Variants in RGS12 observed in about 807,000 individuals in gnomAD.
RGS12 encodes regulator of G protein signaling 12.
Under a neutral mutation model 120.1 loss-of-function variants are expected in RGS12, and 66 were observed. The ratio of observed to expected loss-of-function variants is 0.55; its 90% CI spans 0.45 to 0.67. The LOEUF (loss-of-function observed/expected upper bound fraction) is 0.67, where lower values mean the gene tolerates loss of function less well. Ranked by LOEUF, RGS12 falls within the 30% of genes least tolerant of loss-of-function variation. The pLI is 0.00. For synonymous variants in RGS12, 827 were observed against 804.7 expected, an observed-to-expected ratio of 1.03 and a Z score of -0.47; for missense variants, 1,859 against 1,957.7, an observed-to-expected ratio of 0.95 and a Z score of 0.95.
intron 15 of RGS12, 117 bp downstream of exon 15, chr4:3,428,286 C>G (rs561353666): frequency 1.0e-6 from 1 of 989,128 alleles, no homozygotes; most frequent in Non-Finnish European, 1.6e-6. Flanking sequence ...GTCTCCCCCA[C>G]GCTCCTTGGC....
chr4:3,332,654 TCTC>T (rs1039684959), intron 2 of RGS12, among the ~76,000 whole-genome samples: 1 of 152,180 alleles, frequency 6.6e-6, no homozygotes, highest in African/African-American at 2.4e-5. Flanking sequence ...TTGGTCCCTC[TCTC>T]CTCTTGGGCT....
rs202088201 is a variant in RGS12 at position 3,317,297 on chromosome 4, C to A, written c.1127C>A (p.Pro376Gln). The A allele has an allele frequency of 1.2e-6, 2 of 1,614,152 alleles. No individual in the cohort carries two copies. The highest frequency in any genetic ancestry group is 2.2e-5 in the South Asian group (2 of 91,082). Residue 376 changes from proline to glutamine, a missense_variant, in exon 2 of 18, where the codon CCG becomes CAG. Pro to Gln is a moderately conservative substitution (Grantham distance 76). Around this residue, in one of 3 missense-constraint regions of RGS12, gnomAD observed 967 missense variants for 994.2 expected, o/e 0.97. Coordinates refer to ENST00000336727, the MANE Select transcript of RGS12 (RefSeq NM_001394154.1). ...GACACCAATGGCTGTCTGGAATTCC[C>A]GGCGTCCTCCCTCCCCGTCCTGCAG... ...DPDTNGCLEF[P>Q]ASSLPVLQFI...
intron 3 of RGS12, chr4:3,370,451 T>G: frequency 1.1e-6 from 1 of 922,944 alleles, no homozygotes; most frequent in Non-Finnish European, 1.7e-6. Context: ...TGGAAATGGT[T>G]TTCATGTGTC....
upstream of RGS12, among the ~76,000 whole-genome samples, chr4:3,291,016 C>T (rs556487629): frequency 6.6e-6 from 1 of 152,340 alleles, no homozygotes. Flanking sequence ...TTGGGCCACC[C>T]CCCTGCTGGG....
chr4:3,391,654 C>G (rs28420539), intron 4 of RGS12, among the ~76,000 whole-genome samples: 1 of 152,160 alleles, frequency 6.6e-6, no homozygotes, highest in African/African-American at 2.4e-5. Flanking sequence ...TCATGCAACC[C>G]TAGGCGTGAG....
intron 3 of RGS12, among the ~76,000 whole-genome samples, chr4:3,375,182 C>G (rs903886976): frequency 2.6e-5 from 4 of 152,202 alleles, no homozygotes; most frequent in African/African-American, 9.7e-5. Context: ...CATTTTGAGA[C>G]AGTCGCTGAG....
intron 2 of RGS12, among the ~76,000 whole-genome samples, chr4:3,329,413 G>C (rs540599886): frequency 6.6e-6 from 1 of 152,314 alleles, no homozygotes; most frequent in South Asian, 2.1e-4. Context: ...CACAGAGCTT[G>C]AGAGAGTGTG....
At chr4:3,400,536 T>TA in intron 4 of RGS12, among the ~76,000 whole-genome samples, 1 of 151,956 alleles carries the variant, frequency 6.6e-6, no homozygotes, top group Non-Finnish European at 1.5e-5. Flanking sequence ...GAATTACTGA[T>TA]AAAAAGCACT....
At chr4:3,294,228 G>C (rs989732093) in intron 1 of RGS12, among the ~76,000 whole-genome samples, 1 of 152,282 alleles carries the variant, frequency 6.6e-6, no homozygotes, top group Non-Finnish European at 1.5e-5. Context: ...GGACGTGCAG[G>C]ATGGCCGGCA....
intron 2 of RGS12, among the ~76,000 whole-genome samples, chr4:3,330,773 C>G (rs775188709): frequency 1.2e-4 from 18 of 152,190 alleles, no homozygotes; most frequent in Non-Finnish European, 2.1e-4. Flanking sequence ...TGTGGAGGCT[C>G]CACCCTCCTC....
intron 1 of RGS12, among the ~76,000 whole-genome samples, chr4:3,306,681 G>T (rs1369659897): frequency 6.6e-6 from 1 of 152,214 alleles, no homozygotes; most frequent in African/African-American, 2.4e-5. Flanking sequence ...GGCAGTAACT[G>T]GTGCAGGGGA....
rs367586320 is a variant in RGS12, at chr4:3,422,377, C to T, written c.2840C>T (p.Ser947Leu). 5.6e-6 allele frequency: 9 copies of T among 1,609,648 alleles called. No homozygotes were observed. The highest frequency in any genetic ancestry group is 1.3e-5 in the African/African-American group (1 of 74,890). ...GCTGCTTGTCTCGCTGCTCCCCAGT[C>T]GGAGGCCTGCAGGACTTTGGCACCC... ...SVSSAGSLDL[S>L]EACRTLAPEK... Residue 947 changes from serine to leucine, a missense_variant and splice_region_variant, in exon 11 of 18, where the codon TCG becomes TTG. Coordinates refer to ENST00000336727, the MANE Select transcript of RGS12 (RefSeq NM_001394154.1).
intron 3 of RGS12, among the ~76,000 whole-genome samples, chr4:3,362,690 T>A (rs1437274914): frequency 7.2e-6 from 1 of 138,194 alleles, no homozygotes; most frequent in Non-Finnish European, 1.5e-5. Context: ...TGAGGGTGTG[T>A]GTGAGGGTGT....
At chr4:3,375,047 A>G (rs548896491) in intron 3 of RGS12, among the ~76,000 whole-genome samples, 1 of 152,142 alleles carries the variant, frequency 6.6e-6, no homozygotes, top group African/African-American at 2.4e-5. Context: ...GCAGTTCATA[A>G]CCCCGTAACC....
chr4:3,309,362 C>CCGAGGGGAACCG lies in RGS12; in HGVS notation c.-101-6708_-101-6707insCGAGGGGAACCG, dbSNP rs1724172891. 9.3e-5 allele frequency among the ~76,000 whole-genome samples: 13 copies of CCGAGGGGAACCG among 139,662 alleles called. 1 individual carries two copies. The highest frequency in any genetic ancestry group is 3.9e-4 in the African/African-American group (13 of 33,246). 91.6% of individuals were successfully genotyped at this position (139,662 alleles called of 152,430 possible). ...GGGATCCGGGAATGGCAGGTGTCCG[C>CCGAGGGGAACCG]TGAGGGGAACCGTGCAGGGGAGGAG... On this transcript the variant is annotated intron_variant, in intron 1 of 17. Coordinates refer to ENST00000336727, the MANE Select transcript of RGS12 (RefSeq NM_001394154.1).
intron 17 of RGS12, among the ~76,000 whole-genome samples, chr4:3,432,485 G>T (rs1475907160): frequency 6.6e-6 from 1 of 152,244 alleles, no homozygotes; most frequent in African/African-American, 2.4e-5. Context: ...CAGCCCTGGG[G>T]CTGTGGCTGG....
chr4:3,310,155 T>C (rs58643205), intron 1 of RGS12, among the ~76,000 whole-genome samples: 38 of 60,788 alleles, frequency 6.3e-4, no homozygotes, highest in African/African-American at 7.7e-4. Context: ...GGCAGGTGTC[T>C]GCTGAGGGGA....
At chr4:3,335,948 C>T (rs193070768) in intron 2 of RGS12, among the ~76,000 whole-genome samples, 40 of 152,128 alleles carry the variant, frequency 2.6e-4, no homozygotes, top group African/African-American at 7.2e-4. Flanking sequence ...AAAAATTATC[C>T]GGGCATGGTG....
chr4:3,432,141 C>T (rs1375205885), intron 17 of RGS12: 3 of 985,368 alleles, frequency 3.0e-6, no homozygotes, highest in East Asian at 1.1e-4. Flanking sequence ...TGAGTCTGTT[C>T]TTCCAGGAGT....
Sources: gnomAD v4.1 joint callset for allele counts (sites outside exome capture counted in the v4.1 genomes callset) on GRCh38, gnomAD v4.1.1 for gene constraint, gnomAD v4.1.1 regional missense constraint, MANE v1.5 for transcripts, NCBI Gene and HGNC (gene_info 2026-07-23, HGNC 2026-07-21) for gene names.